PLEKHG7: variants seen among roughly 807,000 people sequenced by gnomAD.
PLEKHG7 encodes pleckstrin homology and RhoGEF domain containing G7.
In PLEKHG7, 77 loss-of-function variants were observed where a neutral mutation model predicts 85.2. The ratio of observed to expected loss-of-function variants is 0.90; its 90% CI spans 0.75 to 1.09. The LOEUF (loss-of-function observed/expected upper bound fraction) is 1.09, where lower values mean the gene tolerates loss of function less well. Among genes scored for constraint, PLEKHG7 ranks in the 50% least tolerant of loss-of-function variants. The pLI is 0.00. For synonymous variants in PLEKHG7, 301 were observed against 302.4 expected, an observed-to-expected ratio of 1.00 and a Z score of 0.05; for missense variants, 777 against 804.3, an observed-to-expected ratio of 0.97 and a Z score of 0.41.
chr12:92,707,293 G>A (rs946755975), intron 2 of PLEKHG7, 155 bp downstream of exon 2: 26 of 1,432,482 alleles, frequency 1.8e-5, no homozygotes, highest in Non-Finnish European at 2.4e-5. Context: ...AGGAAGCATT[G>A]GCTCTTAAGT....
At chr12:92,750,714 C>T (rs1872667753) in intron 10 of PLEKHG7, among the ~76,000 whole-genome samples, 1 of 152,100 alleles carries the variant, frequency 6.6e-6, no homozygotes, top group South Asian at 2.1e-4. Flanking sequence ...GGAAATCAGC[C>T]GCTAAAGCAT....
chr12:92,765,449 G>A (rs1274297133), intron 15 of PLEKHG7, among the ~76,000 whole-genome samples: 1 of 151,972 alleles, frequency 6.6e-6, no homozygotes, highest in African/African-American at 2.4e-5. Flanking sequence ...GACCAACATG[G>A]AGAAATCCTG....
At chr12:92,715,326 C>T (rs1399085840) in intron 3 of PLEKHG7, among the ~76,000 whole-genome samples, 1 of 152,090 alleles carries the variant, frequency 6.6e-6, no homozygotes, top group African/African-American at 2.4e-5. Flanking sequence ...GGTGGGTCTG[C>T]CTTCCCCCGC....
chr12:92,769,405 G>T (rs1873332224), intron 16 of PLEKHG7, among the ~76,000 whole-genome samples: 1 of 152,162 alleles, frequency 6.6e-6, no homozygotes, highest in Non-Finnish European at 1.5e-5. Context: ...AATGGGGGAA[G>T]AATTGATTTG....
intron 9 of PLEKHG7, among the ~76,000 whole-genome samples, chr12:92,742,786 A>G (rs57794964): frequency 0.078 from 11,842 of 151,984 alleles, 590 homozygotes; most frequent in African/African-American, 0.13. Flanking sequence ...GGGTTTCACC[A>G]TGTTGGTCAG....
rs1565800259 is a variant in PLEKHG7 at position 92,771,162 on chromosome 12, T to A, written c.*967T>A. ...ACATTCAAGGAACTAGTTCTTAGGG[T>A]CAGATTATTGCATCAAAGGGAAGTC... is the stretch of plus-strand genomic sequence containing the variant. On this transcript the variant is annotated 3_prime_UTR_variant, in exon 17 of 17. Transcript: ENST00000344636. 1 of 152,120 alleles carries A rather than the reference T, an allele frequency of 6.6e-6. No individual in the cohort carries two copies. The highest frequency in any genetic ancestry group is 2.4e-5 in the African/African-American group (1 of 41,432). The allele number at this position is 152,120 out of a possible 1,614,324, so 9.4% of individuals were successfully genotyped here.
chr12:92,719,087 T>G (rs1189977422), intron 3 of PLEKHG7, among the ~76,000 whole-genome samples: 1 of 152,182 alleles, frequency 6.6e-6, no homozygotes, highest in African/African-American at 2.4e-5. Flanking sequence ...AATGGAATAC[T>G]TTGATAGAAA....
rs1592686785 is a variant in PLEKHG7 at position 92,755,976 on chromosome 12, T to C, written c.1542+36T>C. 3 of 1,435,820 alleles carry C rather than the reference T, an allele frequency of 2.1e-6. No individual in the cohort carries two copies. The East Asian group carries it at 6.8e-5, about 33-fold the overall frequency. 88.9% of individuals were successfully genotyped at this position (1,435,820 alleles called of 1,614,324 possible). Reference sequence around the variant, plus strand: ...AAAATCAATTAGGACTTATGTCCATTTCTGGAATTTGGGCATTCAGATAGA... The same window carrying C: ...AAAATCAATTAGGACTTATGTCCATCTCTGGAATTTGGGCATTCAGATAGA... On this transcript the variant is annotated intron_variant, in intron 12 of 16. Coordinates refer to ENST00000344636, the MANE Select transcript of PLEKHG7 (RefSeq NM_001377329.1).
intron 13 of PLEKHG7, among the ~76,000 whole-genome samples, chr12:92,757,858 G>A (rs1038823638): frequency 2.6e-5 from 4 of 152,192 alleles, no homozygotes; most frequent in Non-Finnish European, 5.9e-5. Flanking sequence ...GAAGTGATAG[G>A]TTAAAAGGGT....
intron 3 of PLEKHG7, among the ~76,000 whole-genome samples, chr12:92,716,935 C>CT (rs1274175920): frequency 6.6e-6 from 1 of 152,212 alleles, no homozygotes; most frequent in East Asian, 1.9e-4. Context: ...TACCGTTCCA[C>CT]TTATCTATCC....
At chr12:92,761,885 T>C in intron 14 of PLEKHG7, 54 bp downstream of exon 14, 5 of 1,479,898 alleles carry the variant, frequency 3.4e-6, no homozygotes, top group Non-Finnish European at 4.5e-6. Flanking sequence ...TAAATGAGTT[T>C]AGAAATATTT....
chr12:92,741,249 T>A (rs1872346171), intron 8 of PLEKHG7, among the ~76,000 whole-genome samples: 1 of 152,172 alleles, frequency 6.6e-6, no homozygotes, highest in African/African-American at 2.4e-5. Context: ...CTCGCATACA[T>A]TATAAATAAA....
chr12:92,748,375 T>C (rs2136613809), intron 10 of PLEKHG7, among the ~76,000 whole-genome samples: 1 of 151,960 alleles, frequency 6.6e-6, no homozygotes, highest in East Asian at 1.9e-4. Flanking sequence ...GTCTCCAGAG[T>C]AGCTGGAACT....
chr12:92,741,403 T>G, intron 8 of PLEKHG7, 88 bp from the exon 9 acceptor site: 2 of 753,978 alleles, frequency 2.7e-6, no homozygotes, highest in South Asian at 2.3e-5. Context: ...GGGAAACACC[T>G]GTAAGAATGA....
chr12:92,739,257 C>G (rs368644185), intron 7 of PLEKHG7, among the ~76,000 whole-genome samples: 2 of 152,142 alleles, frequency 1.3e-5, no homozygotes, highest in Non-Finnish European at 2.9e-5. Flanking sequence ...CGTGCCCACC[C>G]GTGAGCCAAA....
intron 5 of PLEKHG7, among the ~76,000 whole-genome samples, chr12:92,733,290 C>T (rs896999896): frequency 6.6e-6 from 1 of 152,158 alleles, no homozygotes; most frequent in African/African-American, 2.4e-5. Flanking sequence ...GCAAGTGGAG[C>T]CTACCCCAGA....
At chr12:92,705,635 G>C (rs1871209086) in intron 1 of PLEKHG7, among the ~76,000 whole-genome samples, 1 of 152,210 alleles carries the variant, frequency 6.6e-6, no homozygotes, top group African/African-American at 2.4e-5. Context: ...GGGAAGATGG[G>C]TCTCTCGCCT....
chr12:92,709,800 T>C (rs971834072), intron 3 of PLEKHG7, among the ~76,000 whole-genome samples: 1 of 152,152 alleles, frequency 6.6e-6, no homozygotes, highest in Non-Finnish European at 1.5e-5. Flanking sequence ...CCCAGCACTG[T>C]GGAAGGGCCA....
chr12:92,759,082 C>G (rs1359741655), intron 13 of PLEKHG7, among the ~76,000 whole-genome samples: 1 of 152,170 alleles, frequency 6.6e-6, no homozygotes, highest in Non-Finnish European at 1.5e-5. Flanking sequence ...CTAACACATA[C>G]TGTGTTTCCA....
Sources: allele counts gnomAD v4.1 joint callset (sites outside exome capture counted in the v4.1 genomes callset), GRCh38; gene constraint gnomAD v4.1.1; transcripts MANE v1.5; gene names NCBI Gene and HGNC (gene_info 2026-07-23, HGNC 2026-07-21).